SCHIP1: variants seen among roughly 807,000 people sequenced by gnomAD.
SCHIP1 encodes schwannomin interacting protein 1, also known as schwannomin-interacting protein 1.
In SCHIP1, 8 loss-of-function variants were observed where a neutral mutation model predicts 29.7. That is an observed-to-expected ratio of 0.27 (90% CI 0.16 to 0.49). The LOEUF (loss-of-function observed/expected upper bound fraction) is 0.49. Among genes scored for constraint, SCHIP1 ranks in the 20% least tolerant of loss-of-function variants. The pLI, the probability that SCHIP1 is intolerant of heterozygous loss-of-function variation, is 0.99. For synonymous variants in SCHIP1, 76 were observed against 94.9 expected (o/e 0.80, Z 1.16); for missense variants, 193 against 294.6 (o/e 0.66, Z 2.52).
At chr3:159,819,487 C>CA in the SCHIP1 span, among the ~76,000 whole-genome samples, 4 of 151,956 alleles carry the variant, frequency 2.6e-5, no homozygotes, top group African/African-American at 9.7e-5. Flanking sequence ...TCTTCTGAGG[C>CA]AAAAAACAAA....
the SCHIP1 span, among the ~76,000 whole-genome samples, chr3:159,692,601 G>A: frequency 2.0e-5 from 3 of 152,096 alleles, no homozygotes; most frequent in Non-Finnish European, 4.4e-5. Context: ...TCTCTAAACT[G>A]GTTATTCTAG....
the SCHIP1 span, among the ~76,000 whole-genome samples, chr3:159,621,446 T>C: frequency 6.6e-6 from 1 of 152,220 alleles, no homozygotes; most frequent in East Asian, 1.9e-4. Flanking sequence ...AATTCTGATA[T>C]AACTCAAATA....
At chr3:159,687,036 A>C in the SCHIP1 span, among the ~76,000 whole-genome samples, 2 of 152,110 alleles carry the variant, frequency 1.3e-5, no homozygotes, top group Non-Finnish European at 2.9e-5. Flanking sequence ...AATCTCAACT[A>C]TAAGACTTCT....
the SCHIP1 span, among the ~76,000 whole-genome samples, chr3:159,285,253 T>C: frequency 6.6e-6 from 1 of 152,154 alleles, no homozygotes; most frequent in African/African-American, 2.4e-5. Context: ...TGTTAACTAA[T>C]TAATCAAATA....
intron 1 of SCHIP1, among the ~76,000 whole-genome samples, chr3:159,865,753 G>A (rs1255104394): frequency 6.6e-6 from 1 of 152,192 alleles, no homozygotes; most frequent in Non-Finnish European, 1.5e-5. Context: ...CTGGCTAAAG[G>A]GACGTGTAAA....
the SCHIP1 span, among the ~76,000 whole-genome samples, chr3:159,608,143 G>A: frequency 6.6e-6 from 1 of 152,274 alleles, no homozygotes; most frequent in African/African-American, 2.4e-5. Context: ...ATGGACATCT[G>A]AGTTAAACAC....
the SCHIP1 span, among the ~76,000 whole-genome samples, chr3:159,656,922 G>A: frequency 6.6e-6 from 1 of 152,040 alleles, no homozygotes; most frequent in Non-Finnish European, 1.5e-5. Context: ...TTGTAATAGT[G>A]TATGTCCACC....
the SCHIP1 span, among the ~76,000 whole-genome samples, chr3:159,588,605 A>G: frequency 6.6e-6 from 1 of 152,292 alleles, no homozygotes; most frequent in East Asian, 1.9e-4. Context: ...TAGGTCTGAC[A>G]TTTAAGTCTT....
At chr3:159,887,825 C>G in exon 4 of SCHIP1, 1 of 1,614,038 alleles carries the variant, frequency 6.2e-7, no homozygotes, top group Non-Finnish European at 8.5e-7. Flanking sequence ...CAAAATGGCC[C>G]TTGCCATGGC....
chr3:159,616,254 A>C, the SCHIP1 span, among the ~76,000 whole-genome samples: 1 of 152,142 alleles, frequency 6.6e-6, no homozygotes. Flanking sequence ...ATGTGCCACC[A>C]TGCCCAACTA....
At chr3:159,583,438 C>T in the SCHIP1 span, among the ~76,000 whole-genome samples, 6 of 152,024 alleles carry the variant, frequency 3.9e-5, no homozygotes, top group Non-Finnish European at 7.4e-5. Context: ...TTAAAAGAAA[C>T]GCTCCACTAT....
chr3:159,276,114 T>G, the SCHIP1 span, among the ~76,000 whole-genome samples: 5 of 151,648 alleles, frequency 3.3e-5, no homozygotes, highest in African/African-American at 9.7e-5. Flanking sequence ...TTAACCCTTT[T>G]GGCACTAAGA....
the SCHIP1 span, among the ~76,000 whole-genome samples, chr3:159,520,769 C>G: frequency 1.3e-5 from 2 of 152,222 alleles, no homozygotes; most frequent in Non-Finnish European, 2.9e-5. Flanking sequence ...TGCCATCAAT[C>G]TACAACTTAT....
the SCHIP1 span, among the ~76,000 whole-genome samples, chr3:159,448,486 G>C: frequency 6.6e-6 from 1 of 151,958 alleles, no homozygotes; most frequent in Non-Finnish European, 1.5e-5. Flanking sequence ...AGAAAAAAAA[G>C]TATTGTTCTG....
At chr3:159,378,272 C>T in the SCHIP1 span, among the ~76,000 whole-genome samples, 7 of 152,182 alleles carry the variant, frequency 4.6e-5, no homozygotes, top group Admixed American at 6.5e-5. Context: ...GGATCTTCCA[C>T]TCAGGTTTAA....
the SCHIP1 span, among the ~76,000 whole-genome samples, chr3:159,410,518 T>C: frequency 6.6e-6 from 1 of 152,154 alleles, no homozygotes; most frequent in African/African-American, 2.4e-5. Context: ...CAAACAGGCC[T>C]ATGAAAAAGT....
At chr3:159,888,352 T>C (rs1368014702) in intron 4 of SCHIP1, 1 of 208,666 alleles carries the variant, frequency 4.8e-6, no homozygotes, top group Non-Finnish European at 9.7e-6. Context: ...TCTAAGCAAG[T>C]TACTTAAGTC....
chr3:159,752,004 A>G, the SCHIP1 span, among the ~76,000 whole-genome samples: 1 of 152,068 alleles, frequency 6.6e-6, no homozygotes, highest in Non-Finnish European at 1.5e-5. Context: ...CTGTCACAAG[A>G]TCTGGTTATT....
the SCHIP1 span, among the ~76,000 whole-genome samples, chr3:159,688,447 TG>T: frequency 6.6e-6 from 1 of 152,268 alleles, no homozygotes; most frequent in East Asian, 1.9e-4. Flanking sequence ...TTGATGGAGT[TG>T]TTTTTTTCTG....
Sources: gnomAD v4.1 joint callset for allele counts (sites outside exome capture counted in the v4.1 genomes callset) on GRCh38, gnomAD v4.1.1 for gene constraint, MANE v1.5 for transcripts, NCBI Gene and HGNC (gene_info 2026-07-23, HGNC 2026-07-21) for gene names.